ADAMTS13: variants seen among roughly 807,000 people sequenced by gnomAD.
ADAMTS13 encodes A disintegrin and metalloproteinase with thrombospondin motifs 13.
ADAMTS13 carries 110 observed loss-of-function variants against 155.1 expected under a neutral mutation model. That is an observed-to-expected ratio of 0.71 (90% confidence interval 0.61 to 0.83). The LOEUF is 0.83. Among genes scored for constraint, ADAMTS13 ranks in the 40% least tolerant of loss-of-function variants. The pLI is 0.00. For synonymous variants in ADAMTS13, 758 were observed against 756.4 expected (o/e 1.00, Z -0.03); for missense variants, 1,707 against 1,891.7 (o/e 0.90, Z 1.81).
At chr9:133,428,907 C>T (rs1172385947) in intron 7 of ADAMTS13, 136 bp downstream of exon 7, 61 of 1,049,672 alleles carry the variant, frequency 5.8e-5, no homozygotes, top group Non-Finnish European at 6.9e-5. Context: ...CAACCCACCC[C>T]TCCGTCCAAC....
rs782082676 is a variant in ADAMTS13, at chr9:133,445,703, A to G, written c.2615A>G (p.Asp872Gly). 6.2e-7 allele frequency: 1 copy of G among 1,612,990 alleles called. No homozygotes were observed. The highest frequency in any genetic ancestry group is 1.1e-5 in the South Asian group (1 of 91,072). The change falls in exon 21 of 29, where the codon GAT becomes GGT. Residue 872 changes from aspartate (D) to glycine (G), a missense_variant. Around this residue, in one of 3 missense-constraint regions of ADAMTS13, gnomAD observed 961 missense variants for 1,107.9 expected, o/e 0.87. Transcript: ENST00000355699. This position sits in a 1 kb window ranked among gnomAD's most constrained non-coding sequence, Gnocchi z 5.0. Reference protein sequence around the residue: ...MSCPPGWGHLDATSAGEKAPS... With the variant: ...MSCPPGWGHLGATSAGEKAPS... ...GCTTGTTGCTATTCCCCACAGCTGG[A>G]TGCCACCTCTGCAGGGGAGAAGGCT... is the stretch of plus-strand genomic sequence containing the variant.
intron 25 of ADAMTS13, chr9:133,455,807 C>G: frequency 1.2e-6 from 1 of 825,338 alleles, no homozygotes. Flanking sequence ...AAGGTAGGAA[C>G]CCAGCTTGTG....
At chr9:133,430,553 G>C (rs942637477) in intron 8 of ADAMTS13, among the ~76,000 whole-genome samples, 1 of 152,224 alleles carries the variant, frequency 6.6e-6, no homozygotes, top group African/African-American at 2.4e-5. Flanking sequence ...TCGCAGGATT[G>C]CATAGGACAT....
chr9:133,414,905 G>A lies in ADAMTS13; in HGVS notation n.287+261G>A, dbSNP rs141547732. 9,684 of 1,614,062 alleles carry A rather than the reference G, an allele frequency of 6.0e-3. 39 individuals carry two copies. The highest frequency in any genetic ancestry group is 7.1e-3 in the Admixed American group (427 of 60,002). On this transcript the variant is annotated intron_variant and non_coding_transcript_variant, in intron 1 of 17. Transcript: ENST00000485925. ...CATCTCCTCTCCCTTCACTTGAGGC[G>A]AGGTCTCTTTTTTGTTTTGCTGGAT...
intron 1 of ADAMTS13, 152 bp downstream of exon 1, chr9:133,422,700 G>A: frequency 1.3e-6 from 1 of 748,000 alleles, no homozygotes; most frequent in Non-Finnish European, 2.3e-6. Flanking sequence ...TTTGGGGGAT[G>A]AAGTGTGCTC....
At chr9:133,431,220 G>A (rs986342322) in intron 8 of ADAMTS13, among the ~76,000 whole-genome samples, 9 of 151,670 alleles carry the variant, frequency 5.9e-5, no homozygotes, top group African/African-American at 9.7e-5. Context: ...CCACCTTGGC[G>A]TCCCAAAGCA....
Position 133,430,075 on chromosome 9 carries a change from G to T in ADAMTS13, c.961G>T (p.Ala321Ser). The part of the protein sequence containing the change: ...CRVAFGPKAV[A>S]CTFAREHLDM... ...CGTGGCCTTCGGCCCCAAGGCTGTC[G>T]CCTGCACCTTCGCCAGGGAGCACCT... Residue 321 changes from alanine to serine, a missense_variant, in exon 8 of 29, where the codon GCC becomes TCC. Transcript: ENST00000355699. 1.3e-6 allele frequency: 2 copies of T among 1,594,108 alleles called. No homozygotes were observed. The highest frequency in any genetic ancestry group is 1.7e-6 in the Non-Finnish European group (2 of 1,176,002).
chr9:133,451,759 T>C (rs1466990140), intron 23 of ADAMTS13, among the ~76,000 whole-genome samples: 1 of 151,870 alleles, frequency 6.6e-6, no homozygotes, highest in Non-Finnish European at 1.5e-5. Flanking sequence ...GGCATGGTGG[T>C]GCATGCCAGT....
Position 133,455,843 on chromosome 9 carries a change from G to A in ADAMTS13, c.3401-226G>A, listed in dbSNP as rs966505212. On this transcript the variant is annotated intron_variant, in intron 25 of 28. Transcript: ENST00000355699. ...AGCCCCCTAGCCTCTGGGCTGCTCT[G>A]CATGTGCCCCCTCTTGCTGGATCAT... The A allele has an allele frequency of 6.6e-6, 5 of 762,860 alleles. No individual in the cohort carries two copies. In the African/African-American group the frequency reaches 8.6e-5, roughly 13 times the overall value. 47.3% of individuals were successfully genotyped at this position (762,860 alleles called of 1,614,324 possible).
Sources: allele counts gnomAD v4.1 joint callset (sites outside exome capture counted in the v4.1 genomes callset), GRCh38; gene constraint gnomAD v4.1.1; regional missense constraint gnomAD v4.1.1; non-coding constraint Gnocchi (gnomAD v3.1); transcripts MANE v1.5; gene names NCBI Gene and HGNC (gene_info 2026-07-23, HGNC 2026-07-21).